TTC7B: variants seen among roughly 807,000 people sequenced by gnomAD.
TTC7B encodes the protein tetratricopeptide repeat protein 7B.
TTC7B carries 28 observed loss-of-function variants against 106.8 expected under a neutral mutation model. The ratio of observed to expected loss-of-function variants is 0.26; its 90% CI spans 0.19 to 0.36. The LOEUF is 0.36. Ranked by LOEUF, TTC7B falls within the 10% of genes least tolerant of loss-of-function variation. The pLI is 1.00. For synonymous variants in TTC7B, 405 were observed against 430.6 expected, an observed-to-expected ratio of 0.94 and a Z score of 0.74; for missense variants, 862 against 1,076.4, an observed-to-expected ratio of 0.80 and a Z score of 2.79.
At chr14:90,591,960 T>C (rs1286471) in intron 18 of TTC7B, among the ~76,000 whole-genome samples, 42,470 of 152,144 alleles carry the variant, frequency 0.28, 6,495 homozygotes, top group African/African-American at 0.41. Flanking sequence ...AGAACAACTG[T>C]GAATTCATGA....
intron 1 of TTC7B, 112 bp downstream of exon 1, chr14:90,816,063 G>T (rs2031163607): frequency 1.0e-6 from 1 of 975,548 alleles, no homozygotes. Context: ...CAGCTCCCTC[G>T]CGGCCCGGCC....
chr14:90,603,219 C>T (rs1892504178), intron 17 of TTC7B: 1 of 1,266,322 alleles, frequency 7.9e-7, no homozygotes, highest in Admixed American at 2.3e-5. Flanking sequence ...TCTGGAGGCC[C>T]TCGGAAGGAT....
intron 5 of TTC7B, among the ~76,000 whole-genome samples, chr14:90,722,104 T>C (rs938404904): frequency 6.6e-6 from 1 of 152,158 alleles, no homozygotes; most frequent in African/African-American, 2.4e-5. Flanking sequence ...TCCAGACATG[T>C]GAGTGCCCAG....
chr14:90,686,648 A>G (rs918102542), intron 7 of TTC7B, among the ~76,000 whole-genome samples: 13 of 152,228 alleles, frequency 8.5e-5, no homozygotes, highest in African/African-American at 2.9e-4. Context: ...CACAAGATCA[A>G]TTTACAAAAT....
At chr14:90,701,208 TCTCAC>T (rs1887971343) in intron 5 of TTC7B, among the ~76,000 whole-genome samples, 1 of 152,128 alleles carries the variant, frequency 6.6e-6, no homozygotes. Context: ...CTTCCGGATG[TCTCAC>T]CTCAAACCTT....
intron 19 of TTC7B, among the ~76,000 whole-genome samples, chr14:90,573,675 C>G (rs932400814): frequency 6.6e-6 from 1 of 152,082 alleles, no homozygotes; most frequent in African/African-American, 2.4e-5. Flanking sequence ...CGGTCCCTCT[C>G]GGCCCACAGG....
intron 13 of TTC7B, among the ~76,000 whole-genome samples, chr14:90,650,207 C>T (rs112157416): frequency 2.6e-5 from 4 of 152,350 alleles, no homozygotes; most frequent in African/African-American, 9.6e-5. Flanking sequence ...GACTATTACG[C>T]TTCTTGTCCA....
In TTC7B at chr14:90,524,657, C is replaced by G. The variant is rs1341885152; in HGVS notation, c.*16711G>C. 1 of 152,268 alleles carries G rather than the reference C, an allele frequency of 6.6e-6. No individual in the cohort carries two copies. The highest frequency in any genetic ancestry group is 2.1e-4 in the South Asian group (1 of 4,838). The allele number at this position is 152,268 out of a possible 1,614,324, so 9.4% of individuals were successfully genotyped here. A position where few individuals can be genotyped will look rare whatever the true frequency, so the allele number is the denominator to read the frequency against. On this transcript the variant is annotated 3_prime_UTR_variant, in exon 20 of 20. Transcript: ENST00000328459. ...ACCGCCTGCCCAAAACAGGTCATGC[C>G]CCTGGAGTGGCCTCGCACCGTCCAT... is the stretch of plus-strand genomic sequence containing the variant.
chr14:90,587,869 T>C (rs1269732042), intron 18 of TTC7B, among the ~76,000 whole-genome samples: 1 of 152,214 alleles, frequency 6.6e-6, no homozygotes, highest in African/African-American at 2.4e-5. Flanking sequence ...TTTAGCCACG[T>C]AACCTTCGGC....
chr14:90,611,377 C>A (rs1002356234), intron 16 of TTC7B, among the ~76,000 whole-genome samples: 1 of 152,216 alleles, frequency 6.6e-6, no homozygotes. Flanking sequence ...TTTTTCACAG[C>A]TCCTCAGATG....
intron 3 of TTC7B, among the ~76,000 whole-genome samples, chr14:90,746,968 C>G (rs1465499858): frequency 6.6e-6 from 1 of 152,174 alleles, no homozygotes; most frequent in Non-Finnish European, 1.5e-5. Context: ...TGGCCCTTAC[C>G]AGTTCCTGGG....
chr14:90,549,859 A>T (rs1018161611), intron 19 of TTC7B, among the ~76,000 whole-genome samples: 3 of 152,194 alleles, frequency 2.0e-5, no homozygotes, highest in Non-Finnish European at 4.4e-5. Flanking sequence ...CACTTAGCAG[A>T]TCGCCCAGCA....
intron 18 of TTC7B, among the ~76,000 whole-genome samples, chr14:90,590,948 T>A (rs1268724952): frequency 1.3e-5 from 2 of 152,210 alleles, no homozygotes; most frequent in Non-Finnish European, 2.9e-5. Context: ...TCTAGAATAG[T>A]AAAGCCACAC....
chr14:90,769,331 C>T (rs1890788454), intron 3 of TTC7B, among the ~76,000 whole-genome samples: 2 of 152,164 alleles, frequency 1.3e-5, no homozygotes, highest in South Asian at 4.1e-4. Context: ...TCAGTACCTA[C>T]TTTAAATGGA....
intron 4 of TTC7B, among the ~76,000 whole-genome samples, chr14:90,737,926 C>A (rs1889608985): frequency 6.6e-6 from 1 of 152,082 alleles, no homozygotes; most frequent in Non-Finnish European, 1.5e-5. Context: ...TTAATAGTTT[C>A]CTAGGGCTGG....
At chr14:90,583,977 C>T (rs1330330873) in intron 18 of TTC7B, among the ~76,000 whole-genome samples, 1 of 152,174 alleles carries the variant, frequency 6.6e-6, no homozygotes, top group African/African-American at 2.4e-5. Flanking sequence ...TGCCCAGGAC[C>T]CCCCAGAAAC....
chr14:90,797,029 G>A (rs2029920504), intron 1 of TTC7B, among the ~76,000 whole-genome samples: 1 of 150,352 alleles, frequency 6.7e-6, no homozygotes, highest in African/African-American at 2.4e-5. Flanking sequence ...TATTTTAGTA[G>A]AGACAATGTT....
At chr14:90,794,852 C>G (rs1354546862) in intron 1 of TTC7B, among the ~76,000 whole-genome samples, 1 of 152,106 alleles carries the variant, frequency 6.6e-6, no homozygotes. Flanking sequence ...AAGAGTCAGG[C>G]CAAAGAAATC....
chr14:90,791,566 G>A (rs1212636689), intron 1 of TTC7B, among the ~76,000 whole-genome samples: 1 of 152,102 alleles, frequency 6.6e-6, no homozygotes, highest in Non-Finnish European at 1.5e-5. Flanking sequence ...CAGGCTCCCT[G>A]ATGGCGACAT....
Sources: allele counts gnomAD v4.1 joint callset (sites outside exome capture counted in the v4.1 genomes callset), GRCh38; gene constraint gnomAD v4.1.1; transcripts MANE v1.5; gene names NCBI Gene and HGNC (gene_info 2026-07-23, HGNC 2026-07-21).